Variants in SGK2 observed in about 807,000 individuals in gnomAD.
SGK2 encodes the protein serum/glucocorticoid regulated kinase 2, also known as serine/threonine-protein kinase Sgk2.
In SGK2, 36 loss-of-function variants were observed where a neutral mutation model predicts 47.5. The ratio of observed to expected loss-of-function variants is 0.76; its 90% confidence interval spans 0.58 to 1.00. SGK2 has a LOEUF of 1.00. Among genes scored for constraint, SGK2 ranks in the 50% least tolerant of loss-of-function variants. The probability of loss-of-function intolerance (pLI) is 0.00; values close to 1 mark genes in which losing one functional copy is unlikely to be tolerated. For missense variants in SGK2, 404 were observed against 467.4 expected, an observed-to-expected ratio of 0.86 and a Z score of 1.25; for synonymous variants, 157 against 181.9, an observed-to-expected ratio of 0.86 and a Z score of 1.10.
intron 10 of SGK2, among the ~76,000 whole-genome samples, chr20:43,575,565 A>T (rs1405394640): frequency 6.6e-6 from 1 of 152,030 alleles, no homozygotes. Context: ...GGAGTTATTC[A>T]TATTTTGCTG....
chr20:43,580,464 A>T (rs1053541338), intron 12 of SGK2, among the ~76,000 whole-genome samples: 3 of 152,218 alleles, frequency 2.0e-5, no homozygotes, highest in African/African-American at 7.2e-5. Context: ...ACAGTGGCTC[A>T]CGACTGTAGT....
chr20:43,563,132 T>A (rs1979490083), intron 1 of SGK2, among the ~76,000 whole-genome samples: 2 of 111,636 alleles, frequency 1.8e-5, no homozygotes, highest in African/African-American at 4.2e-5. Flanking sequence ...CAAGACTCTG[T>A]CTCAAAAAAA....
chr20:43,576,873 C>T (rs1278687874), intron 11 of SGK2, among the ~76,000 whole-genome samples: 1 of 152,116 alleles, frequency 6.6e-6, no homozygotes, highest in Non-Finnish European at 1.5e-5. Flanking sequence ...ACCTGGGAGG[C>T]GGAGGTTGCA....
chr20:43,564,888 C>T (rs1326442109), intron 1 of SGK2: 2 of 152,882 alleles, frequency 1.3e-5, no homozygotes, highest in Non-Finnish European at 2.9e-5. Flanking sequence ...AATACACAGC[C>T]ACAGACAGAC....
intron 1 of SGK2, chr20:43,565,241 G>A (rs915377608): frequency 2.0e-5 from 3 of 152,430 alleles, no homozygotes; most frequent in African/African-American, 7.2e-5. Context: ...GCCTGTCTTC[G>A]GTTCCAACTG....
intron 10 of SGK2, among the ~76,000 whole-genome samples, 187 bp downstream of exon 10, chr20:43,575,191 G>A (rs1463732435): frequency 3.3e-5 from 5 of 152,010 alleles, no homozygotes; most frequent in African/African-American, 1.2e-4. Flanking sequence ...GGCCAGGGGC[G>A]GTGGCTCACA....
At chr20:43,569,738 C>A (rs373255501) in intron 6 of SGK2, 16 of 532,970 alleles carry the variant, frequency 3.0e-5, no homozygotes, top group African/African-American at 1.5e-4. Context: ...CTGTTAGACT[C>A]CCCACCATAA....
At chr20:43,575,493 C>T (rs1012499665) in intron 10 of SGK2, among the ~76,000 whole-genome samples, 1 of 144,214 alleles carries the variant, frequency 6.9e-6, no homozygotes, top group Non-Finnish European at 1.5e-5. Context: ...AGTTAGTTTA[C>T]AACACACTGT....
In SGK2 at chr20:43,585,075, G is replaced by A; in HGVS notation, c.*59G>A. 1.3e-6 allele frequency: 2 copies of A among 1,509,066 alleles called. No individual in the cohort carries two copies. Among genetic ancestry groups the A allele is most frequent in the Non-Finnish European group, 1.8e-6 (2 of 1,108,250 alleles). The allele number at this position is 1,509,066 out of a possible 1,614,324, so 93.5% of individuals were successfully genotyped here. A position where few individuals can be genotyped will look rare whatever the true frequency, so the allele number is the denominator to read the frequency against. On this transcript the variant is annotated 3_prime_UTR_variant, in exon 13 of 13. Coordinates refer to ENST00000373100, the MANE Select transcript of SGK2 (RefSeq NM_170693.3). ...TGGTATTAGTAAGGAATTACCTTCA[G>A]CTGCTAGGAAGAGCGACTCAAACTA...
chr20:43,577,070 GA>G (rs1980504341), intron 11 of SGK2, among the ~76,000 whole-genome samples: 1 of 152,194 alleles, frequency 6.6e-6, no homozygotes, highest in African/African-American at 2.4e-5. Flanking sequence ...ACAATAATGG[GA>G]GGGGGGGCAA....
At chr20:43,584,595 C>T (rs1466290431) in intron 12 of SGK2, among the ~76,000 whole-genome samples, 1 of 152,196 alleles carries the variant, frequency 6.6e-6, no homozygotes, top group East Asian at 1.9e-4. Context: ...CCCAGCGCCA[C>T]GAACAGTACC....
chr20:43,560,513 A>AG (rs1279581236), intron 1 of SGK2, among the ~76,000 whole-genome samples: 9 of 150,934 alleles, frequency 6.0e-5, no homozygotes, highest in African/African-American at 9.9e-5. Flanking sequence ...AAAAAAAAAA[A>AG]AAGTTAAAAT....
rs943590059 is a variant in SGK2 at position 43,567,710 on chromosome 20, G to T, written c.132G>T (p.Gly44=). 6.2e-7 allele frequency: 1 copy of T among 1,614,136 alleles called. No individual in the cohort carries two copies. The change falls in exon 4 of 13, where the codon GGG becomes GGT. Residue 44 remains glycine (G), a synonymous_variant. Coordinates refer to ENST00000373100, the MANE Select transcript of SGK2 (RefSeq NM_170693.3). The stretch of plus-strand genomic sequence containing the variant: ...ACTTCCTCAAAGTCATCGGCAAAGG[G>T]AACTACGGGAAGGTGAGTGACTTGG... The part of the protein sequence containing the change: ...DFDFLKVIGK[G]NYGKVLLAKR...
rs768356767 is a variant in SGK2 at position 43,570,740 on chromosome 20, C to T, written c.473+11C>T. On this transcript the variant is annotated intron_variant, in intron 7 of 12. Transcript: ENST00000373100. ...CAACATCATTTACAGGTGAGGCCTG[C>T]CTGTGGCTCAGAGCCAGGACCAAGC... The T allele has an allele frequency of 2.5e-6, 4 of 1,591,610 alleles. No individual in the cohort carries two copies. Among genetic ancestry groups the T allele is most frequent in the Admixed American group, 3.4e-5 (2 of 59,594 alleles).
chr20:43,569,243 G>C, intron 5 of SGK2, 142 bp from the exon 6 acceptor site: 1 of 1,042,324 alleles, frequency 9.6e-7, no homozygotes, highest in South Asian at 1.6e-5. Flanking sequence ...AGGGCAATAG[G>C]GAGCCATTGT....
chr20:43,574,134 G>A (rs957551973), intron 9 of SGK2, among the ~76,000 whole-genome samples: 26 of 152,308 alleles, frequency 1.7e-4, no homozygotes, highest in African/African-American at 6.3e-4. Flanking sequence ...CACGGCTCAG[G>A]TCTGTGTGAC....
chr20:43,582,960 T>A (rs1008844743), intron 12 of SGK2, among the ~76,000 whole-genome samples: 119 of 152,278 alleles, frequency 7.8e-4, no homozygotes, highest in African/African-American at 2.6e-3. Flanking sequence ...CCTCCCAAAG[T>A]GCTAGTTTTG....
chr20:43,570,537 C>T (rs1383259471), intron 6 of SGK2, 80 bp from the exon 7 acceptor site: 17 of 902,294 alleles, frequency 1.9e-5, no homozygotes, highest in Non-Finnish European at 2.6e-5. Flanking sequence ...AGCTCGCAGC[C>T]GCACAGGGCG....
intron 1 of SGK2, chr20:43,565,837 A>G (rs1052089861): frequency 6.5e-6 from 1 of 153,532 alleles, no homozygotes; most frequent in African/African-American, 2.4e-5. Flanking sequence ...TTGGCCCCGA[A>G]TAGATATTGG....
Sources: allele counts gnomAD v4.1 joint callset (sites outside exome capture counted in the v4.1 genomes callset), GRCh38; gene constraint gnomAD v4.1.1; transcripts MANE v1.5; gene names NCBI Gene and HGNC (gene_info 2026-07-23, HGNC 2026-07-21).